Variants in KCNIP4 observed in about 807,000 individuals in gnomAD.
KCNIP4 encodes the protein potassium voltage-gated channel interacting protein 4.
A neutral mutation model predicts 34.0 loss-of-function variants in KCNIP4; 12 were observed. The observed-to-expected ratio is 0.35, with a 90% CI of 0.23 to 0.57. The LOEUF (loss-of-function observed/expected upper bound fraction) is 0.57, where lower values mean the gene tolerates loss of function less well. Among genes scored for constraint, KCNIP4 ranks in the 20% least tolerant of loss-of-function variants. The pLI is 0.83. For synonymous variants in KCNIP4, 124 were observed against 102.2 expected (o/e 1.21, Z -1.29); for missense variants, 238 against 311.7 (o/e 0.76, Z 1.78).
At chr4:21,714,204 C>CAA (rs1713967839) in intron 1 of KCNIP4, among the ~76,000 whole-genome samples, 1 of 152,090 alleles carries the variant, frequency 6.6e-6, no homozygotes, top group Non-Finnish European at 1.5e-5. Flanking sequence ...AATAAATTGT[C>CAA]ATCAATAATG....
At chr4:21,810,704 A>G (rs1721597517) in intron 1 of KCNIP4, among the ~76,000 whole-genome samples, 1 of 127,564 alleles carries the variant, frequency 7.8e-6, no homozygotes, top group Non-Finnish European at 1.7e-5. Flanking sequence ...AAAAAAAAAA[A>G]AAAAAAAAAA....
intron 1 of KCNIP4, among the ~76,000 whole-genome samples, chr4:21,715,473 T>C (rs918841958): frequency 3.3e-5 from 5 of 152,118 alleles, no homozygotes; most frequent in African/African-American, 1.2e-4. Flanking sequence ...AGCTATACTT[T>C]ACTGACAAAC....
intron 1 of KCNIP4, among the ~76,000 whole-genome samples, chr4:21,388,976 A>G (rs969685828): frequency 8.2e-6 from 1 of 121,666 alleles, no homozygotes; most frequent in Non-Finnish European, 1.8e-5. Flanking sequence ...ATGTTGACAT[A>G]TATTGTCTTG....
intron 1 of KCNIP4, among the ~76,000 whole-genome samples, chr4:21,221,598 C>T (rs1157825841): frequency 1.3e-5 from 2 of 152,182 alleles, no homozygotes; most frequent in Non-Finnish European, 1.5e-5. Flanking sequence ...CAATTACCTC[C>T]ACCTGGTCTC....
intron 1 of KCNIP4, among the ~76,000 whole-genome samples, chr4:21,001,755 G>A (rs1234147284): frequency 6.6e-6 from 1 of 152,138 alleles, no homozygotes; most frequent in African/African-American, 2.4e-5. Context: ...AGCAGATAAG[G>A]AAATTGAGAG....
intron 1 of KCNIP4, among the ~76,000 whole-genome samples, chr4:21,604,788 C>A (rs1743501858): frequency 6.6e-6 from 1 of 152,090 alleles, no homozygotes; most frequent in Admixed American, 6.6e-5. Flanking sequence ...CAAATTCAAG[C>A]AATTCTTTTG....
chr4:21,039,792 C>T (rs1242599925), intron 1 of KCNIP4, among the ~76,000 whole-genome samples: 1 of 152,124 alleles, frequency 6.6e-6, no homozygotes, highest in African/African-American at 2.4e-5. Flanking sequence ...TCAATAAATG[C>T]TCATTTAATT....
At chr4:21,719,991 A>C (rs10213211) in intron 1 of KCNIP4, among the ~76,000 whole-genome samples, 1 of 90,308 alleles carries the variant, frequency 1.1e-5, no homozygotes, top group Non-Finnish European at 2.0e-5. Context: ...AAGAAGAGGA[A>C]GAAGAAAAGA....
At chr4:21,002,579 G>T (rs1027365819) in intron 1 of KCNIP4, among the ~76,000 whole-genome samples, 6 of 152,190 alleles carry the variant, frequency 3.9e-5, no homozygotes, top group African/African-American at 1.2e-4. Context: ...GGGGTTGTCT[G>T]CAGCAATGCT....
At chr4:20,779,624 G>T (rs1252426734) in intron 3 of KCNIP4, among the ~76,000 whole-genome samples, 1 of 127,896 alleles carries the variant, frequency 7.8e-6, no homozygotes, top group Non-Finnish European at 1.5e-5. Flanking sequence ...AAAATTTCAG[G>T]TATAATTAGT....
chr4:20,934,385 A>G (rs1730820614), intron 1 of KCNIP4, among the ~76,000 whole-genome samples: 1 of 152,176 alleles, frequency 6.6e-6, no homozygotes, highest in South Asian at 2.1e-4. Flanking sequence ...AATTTACTAG[A>G]TCATTCCACA....
At chr4:21,733,586 G>A (rs919146249) in intron 1 of KCNIP4, among the ~76,000 whole-genome samples, 1 of 152,064 alleles carries the variant, frequency 6.6e-6, no homozygotes, top group African/African-American at 2.4e-5. Context: ...TATAATTTTT[G>A]CAAGTCAATA....
chr4:20,939,606 T>C (rs767224023), intron 1 of KCNIP4, among the ~76,000 whole-genome samples: 1 of 152,062 alleles, frequency 6.6e-6, no homozygotes, highest in Non-Finnish European at 1.5e-5. Flanking sequence ...TTTCTTGGCC[T>C]CATGATCCGC....
chr4:21,157,580 A>G, intron 1 of KCNIP4, among the ~76,000 whole-genome samples: 1 of 152,194 alleles, frequency 6.6e-6, no homozygotes, highest in African/African-American at 2.4e-5. Flanking sequence ...TGCCCAAGCA[A>G]TTATGAGACA....
chr4:21,761,541 A>T (rs962763170), intron 1 of KCNIP4, among the ~76,000 whole-genome samples: 4 of 152,062 alleles, frequency 2.6e-5, no homozygotes, highest in African/African-American at 9.7e-5. Context: ...CCATCTTATA[A>T]CTAAATTTAA....
intron 1 of KCNIP4, among the ~76,000 whole-genome samples, chr4:21,180,803 T>C (rs1010004606): frequency 1.3e-5 from 2 of 151,636 alleles, no homozygotes; most frequent in Admixed American, 6.6e-5. Context: ...TACAGACATA[T>C]ATATATAAAT....
intron 1 of KCNIP4, among the ~76,000 whole-genome samples, chr4:21,404,433 T>C (rs537578510): frequency 6.6e-6 from 1 of 152,320 alleles, no homozygotes; most frequent in Non-Finnish European, 1.5e-5. Context: ...ATCTCTGTGA[T>C]ATAACCTCAT....
At chr4:21,628,057 T>G (rs1745457872) in intron 1 of KCNIP4, among the ~76,000 whole-genome samples, 1 of 152,184 alleles carries the variant, frequency 6.6e-6, no homozygotes, top group South Asian at 2.1e-4. Flanking sequence ...AATAATGCTA[T>G]ATATTGGTTT....
chr4:21,239,101 C>A (rs933135027), intron 1 of KCNIP4, among the ~76,000 whole-genome samples: 3 of 151,936 alleles, frequency 2.0e-5, no homozygotes, highest in African/African-American at 7.3e-5. Flanking sequence ...CTTTGACAAA[C>A]CTGACAAAAA....
Sources: allele counts gnomAD v4.1 joint callset (sites outside exome capture counted in the v4.1 genomes callset), GRCh38; gene constraint gnomAD v4.1.1; transcripts MANE v1.5; gene names NCBI Gene and HGNC (gene_info 2026-07-23, HGNC 2026-07-21).